The following RAD51B variants were observed in gnomAD, a reference collection of about 807,000 sequenced individuals.
The protein encoded by RAD51B is RAD51 paralog B.
RAD51B carries 38 observed loss-of-function variants against 42.2 expected under a neutral mutation model. The ratio of observed to expected loss-of-function variants is 0.90; its 90% CI spans 0.70 to 1.18. The LOEUF is 1.18. Among genes scored for constraint, RAD51B ranks in the 50% most tolerant of loss-of-function variants. The pLI is 0.00. For synonymous variants in RAD51B, 154 were observed against 145.2 expected, an observed-to-expected ratio of 1.06 and a Z score of -0.43; for missense variants, 373 against 400.7, an observed-to-expected ratio of 0.93 and a Z score of 0.59.
At chr14:68,302,240 C>G (rs969596653) in intron 8 of RAD51B, among the ~76,000 whole-genome samples, 2 of 152,160 alleles carry the variant, frequency 1.3e-5, no homozygotes, top group Non-Finnish European at 2.9e-5. Context: ...AGTCCCTGCT[C>G]TATGGGAAGC....
chr14:68,217,598 G>T (rs1442468949), intron 7 of RAD51B, among the ~76,000 whole-genome samples: 2 of 152,102 alleles, frequency 1.3e-5, no homozygotes, highest in Non-Finnish European at 2.9e-5. Context: ...CATCCTACAG[G>T]GGTCTGTTCT....
At chr14:67,934,817 GA>G (rs2044877778) in intron 7 of RAD51B, among the ~76,000 whole-genome samples, 2 of 152,152 alleles carry the variant, frequency 1.3e-5, no homozygotes, top group African/African-American at 4.8e-5. Context: ...TGATGGGGGG[GA>G]ATGTCCATAC....
intron 8 of RAD51B, among the ~76,000 whole-genome samples, chr14:68,362,914 C>T (rs752631744): frequency 1.3e-5 from 2 of 151,998 alleles, no homozygotes; most frequent in Non-Finnish European, 2.9e-5. Flanking sequence ...ACTTTTATCT[C>T]TAGTTTGAAT....
chr14:67,859,843 G>C (rs577147229), intron 4 of RAD51B, among the ~76,000 whole-genome samples: 47 of 151,614 alleles, frequency 3.1e-4, no homozygotes, highest in African/African-American at 1.1e-3. Context: ...TTTTTTGAGC[G>C]AAGTTTTGCT....
At position 68,249,947 on chromosome 14, in the gene RAD51B, G is replaced by A. The variant is rs1958110; in HGVS notation, c.757-41937G>A. ...GCCATAGTGAGGCTTTGAAGCCAGG[G>A]GAAGGTGGTGAGACCTTCTTGTTTG... On this transcript the variant is annotated intron_variant, in intron 7 of 10. Transcript: ENST00000471583. Among the ~76,000 whole-genome samples the A allele has an allele frequency of 7.7e-3, 1,175 of 152,294 alleles. 15 individuals carry two copies. Among genetic ancestry groups the A allele is most frequent in the African/African-American group, 0.027 (1,138 of 41,554 alleles).
At chr14:68,057,821 T>TTTTGTGTGTG (rs1555348519) in intron 7 of RAD51B, among the ~76,000 whole-genome samples, 3 of 138,600 alleles carry the variant, frequency 2.2e-5, no homozygotes, top group African/African-American at 7.9e-5. Flanking sequence ...TTTTAGTTCT[T>TTTTGTGTGTG]TGTGTGTGTG....
intron 1 of RAD51B, chr14:67,822,258 A>C (rs1373762380): frequency 2.0e-5 from 3 of 152,196 alleles, no homozygotes; most frequent in African/African-American, 7.2e-5. Context: ...TGTATGCATT[A>C]AGAGACTCAC....
chr14:68,555,088 C>T (rs1046759271), intron 10 of RAD51B, among the ~76,000 whole-genome samples: 44 of 152,110 alleles, frequency 2.9e-4, no homozygotes, highest in Non-Finnish European at 4.9e-4. Context: ...CCTCGTGATC[C>T]GCCCGCCTCA....
chr14:68,607,933 G>T (rs994720656), intron 10 of RAD51B, among the ~76,000 whole-genome samples: 1 of 152,236 alleles, frequency 6.6e-6, no homozygotes, highest in Non-Finnish European at 1.5e-5. Flanking sequence ...GAAAGGCAAA[G>T]AAATCCCAGA....
intron 10 of RAD51B, among the ~76,000 whole-genome samples, chr14:68,506,119 C>T (rs1885298580): frequency 2.6e-5 from 4 of 152,120 alleles, no homozygotes; most frequent in Admixed American, 1.3e-4. Flanking sequence ...CCCCAGGCAG[C>T]CTGGGCCTAG....
intron 3 of RAD51B, among the ~76,000 whole-genome samples, chr14:67,832,755 A>G (rs2041097119): frequency 6.6e-6 from 1 of 152,196 alleles, no homozygotes; most frequent in Non-Finnish European, 1.5e-5. Context: ...AGCTGATGTT[A>G]TTTGCTCCAT....
Position 67,851,522 on chromosome 14 carries a change from T to C in RAD51B, c.316-13481T>C, listed in dbSNP as rs147319041. 2.5e-3 allele frequency among the ~76,000 whole-genome samples: 387 copies of C among 152,078 alleles called. 2 individuals carry two copies. Among genetic ancestry groups the C allele is most frequent in the African/African-American group, 8.9e-3 (371 of 41,486 alleles). ...AGTGGGCAGTGGAGGAAGGGGGTCA[T>C]GTGGAAAGCATTCTGGCCACCTCTC... On this transcript the variant is annotated intron_variant, in intron 4 of 10. Transcript: ENST00000471583.
intron 7 of RAD51B, among the ~76,000 whole-genome samples, chr14:68,024,631 C>T (rs1353148180): frequency 6.6e-6 from 1 of 152,002 alleles, no homozygotes; most frequent in Non-Finnish European, 1.5e-5. Context: ...TGATTTGATT[C>T]TCAGCCTGGA....
At chr14:68,025,915 T>C (rs1188825190) in intron 7 of RAD51B, among the ~76,000 whole-genome samples, 1 of 152,058 alleles carries the variant, frequency 6.6e-6, no homozygotes, top group Non-Finnish European at 1.5e-5. Flanking sequence ...GCTTTGAGGG[T>C]GTGTTTTTTC....
intron 10 of RAD51B, chr14:68,594,349 T>C (rs1475559616): frequency 1.3e-6 from 1 of 751,294 alleles, no homozygotes; most frequent in Non-Finnish European, 1.9e-6. Context: ...TGTCTACCGT[T>C]ATGTACATTC....
chr14:68,270,612 A>G (rs1314325970), intron 7 of RAD51B, among the ~76,000 whole-genome samples: 1 of 152,220 alleles, frequency 6.6e-6, no homozygotes, highest in East Asian at 1.9e-4. Flanking sequence ...TTATGGGAAT[A>G]GTTTTATAAT....
At chr14:68,108,993 T>C (rs777180887) in intron 7 of RAD51B, among the ~76,000 whole-genome samples, 1 of 151,972 alleles carries the variant, frequency 6.6e-6, no homozygotes, top group Non-Finnish European at 1.5e-5. Flanking sequence ...CTAGACTTAT[T>C]ATATACAGGC....
At chr14:68,588,530 T>C (rs1487192120) in intron 10 of RAD51B, among the ~76,000 whole-genome samples, 1 of 152,168 alleles carries the variant, frequency 6.6e-6, no homozygotes, top group Non-Finnish European at 1.5e-5. Context: ...GACCAAGCTT[T>C]CTCATGTAGA....
chr14:67,929,785 A>G (rs1595123058), intron 7 of RAD51B, among the ~76,000 whole-genome samples: 1 of 146,764 alleles, frequency 6.8e-6, no homozygotes. Flanking sequence ...TTATATAATG[A>G]CCTTGTCTTT....
Sources: allele counts gnomAD v4.1 joint callset (sites outside exome capture counted in the v4.1 genomes callset), GRCh38; gene constraint gnomAD v4.1.1; transcripts MANE v1.5; gene names NCBI Gene and HGNC (gene_info 2026-07-23, HGNC 2026-07-21).